Variants in CDH2 observed in about 807,000 individuals in gnomAD.
CDH2 encodes the protein cadherin-2.
In CDH2, 17 loss-of-function variants were observed where a neutral mutation model predicts 92.0. The observed-to-expected ratio is 0.18, with a 90% CI of 0.13 to 0.28. The LOEUF is 0.28. Among genes scored for constraint, CDH2 ranks in the 10% least tolerant of loss-of-function variants. The pLI is 1.00. For missense variants in CDH2, 862 were observed against 1,133.1 expected (o/e 0.76, Z 3.44); for synonymous variants, 419 against 415.9 (o/e 1.01, Z -0.09).
chr18:28,096,494 A>G (rs915033583), intron 2 of CDH2, among the ~76,000 whole-genome samples: 2 of 152,090 alleles, frequency 1.3e-5, no homozygotes, highest in Non-Finnish European at 2.9e-5. Flanking sequence ...CTGGAACGCA[A>G]TATGAAAATA....
At chr18:28,143,851 C>T (rs1317774518) in intron 2 of CDH2, among the ~76,000 whole-genome samples, 1 of 151,972 alleles carries the variant, frequency 6.6e-6, no homozygotes, top group Non-Finnish European at 1.5e-5. Flanking sequence ...TTTGCAGGGA[C>T]ATGGGTGAAG....
At chr18:28,138,175 A>G (rs978026447) in intron 2 of CDH2, among the ~76,000 whole-genome samples, 3 of 152,070 alleles carry the variant, frequency 2.0e-5, no homozygotes, top group African/African-American at 7.2e-5. Flanking sequence ...TCCTAGGGCC[A>G]TTACGTGATT....
chr18:28,125,501 CA>C (rs1235403496), intron 2 of CDH2, among the ~76,000 whole-genome samples: 7 of 152,038 alleles, frequency 4.6e-5, no homozygotes. Flanking sequence ...GAAAAAATGG[CA>C]AACCTAATCC....
intron 2 of CDH2, among the ~76,000 whole-genome samples, chr18:28,041,521 A>T (rs2013947232): frequency 6.6e-6 from 1 of 152,206 alleles, no homozygotes; most frequent in Non-Finnish European, 1.5e-5. Flanking sequence ...GTCAGCAGGC[A>T]ACTGTGTTTT....
intron 2 of CDH2, among the ~76,000 whole-genome samples, chr18:28,061,606 C>T (rs548523280): frequency 1.1e-3 from 167 of 152,294 alleles, no homozygotes; most frequent in African/African-American, 3.8e-3. Flanking sequence ...ACGACTCCGT[C>T]TCAAAAAACC....
At chr18:28,105,995 TC>T (rs1052509994) in intron 2 of CDH2, among the ~76,000 whole-genome samples, 1 of 152,228 alleles carries the variant, frequency 6.6e-6, no homozygotes, top group Non-Finnish European at 1.5e-5. Context: ...CTCTTTAATA[TC>T]CTCAAGATGT....
At chr18:27,948,327 G>GT (rs1451601434), downstream of CDH2, among the ~76,000 whole-genome samples, 12 of 151,872 alleles carry the variant, frequency 7.9e-5, no homozygotes, top group Admixed American at 7.2e-4. Context: ...GTAGTGTTTG[G>GT]AAAACAGACC....
At chr18:28,017,611 T>C (rs182238501) in intron 2 of CDH2, among the ~76,000 whole-genome samples, 1 of 152,290 alleles carries the variant, frequency 6.6e-6, no homozygotes, top group East Asian at 1.9e-4. Flanking sequence ...CAACTGCATA[T>C]AGTTGTGCTC....
At chr18:28,009,648 G>A in intron 5 of CDH2, 69 bp downstream of exon 5, 1 of 1,397,732 alleles carries the variant, frequency 7.2e-7, no homozygotes, top group Non-Finnish European at 9.9e-7. Flanking sequence ...TGATATAAGA[G>A]GCAATGGTAA....
At chr18:27,993,723 G>T in intron 7 of CDH2, 86 bp from the exon 8 acceptor site, 2 of 967,686 alleles carry the variant, frequency 2.1e-6, no homozygotes, top group South Asian at 1.5e-5. Context: ...TCTTTATAAT[G>T]CAAGGAGAGC....
chr18:28,046,148 G>A (rs2014070929), intron 2 of CDH2, among the ~76,000 whole-genome samples: 1 of 152,128 alleles, frequency 6.6e-6, no homozygotes, highest in South Asian at 2.1e-4. Flanking sequence ...GACAATTTGA[G>A]AAACAGAAAG....
At chr18:27,993,445 C>G (rs1238124147) in intron 8 of CDH2, 55 bp downstream of exon 8, 1 of 1,560,508 alleles carries the variant, frequency 6.4e-7, no homozygotes, top group Non-Finnish European at 8.7e-7. Context: ...CATGACCAAC[C>G]TTCTCAGTAA....
downstream of CDH2, among the ~76,000 whole-genome samples, chr18:27,946,130 CA>C (rs1909262318): frequency 6.6e-6 from 1 of 151,996 alleles, no homozygotes; most frequent in Non-Finnish European, 1.5e-5. Flanking sequence ...GAAATACATC[CA>C]AAAAGCTCAT....
chr18:27,961,022 A>G (rs1337803372), intron 15 of CDH2, among the ~76,000 whole-genome samples: 1 of 117,914 alleles, frequency 8.5e-6, no homozygotes, highest in Non-Finnish European at 2.1e-5. Context: ...TCATTGTTAA[A>G]AAAAGAACAA....
chr18:28,009,685 T>A, intron 5 of CDH2, 32 bp downstream of exon 5: 3 of 1,607,268 alleles, frequency 1.9e-6, no homozygotes, highest in African/African-American at 1.3e-5. Flanking sequence ...GAACTGTTAA[T>A]ACACAGAATT....
At chr18:28,024,265 ATTATC>A (rs1347733463) in intron 2 of CDH2, among the ~76,000 whole-genome samples, 2 of 152,046 alleles carry the variant, frequency 1.3e-5, no homozygotes, top group African/African-American at 4.8e-5. Flanking sequence ...ATATTGCCCA[ATTATC>A]TTAATAATTT....
chr18:27,949,958 T>C (rs1909372292), downstream of CDH2, among the ~76,000 whole-genome samples: 2 of 152,012 alleles, frequency 1.3e-5, no homozygotes, highest in Non-Finnish European at 2.9e-5. Flanking sequence ...ATCTAAATGG[T>C]GTGAGCATTA....
At chr18:28,061,789 C>T (rs145206386) in intron 2 of CDH2, among the ~76,000 whole-genome samples, 3 of 152,236 alleles carry the variant, frequency 2.0e-5, no homozygotes, top group East Asian at 1.9e-4. Context: ...TCTTACATGG[C>T]GGCAGGCAAG....
At chr18:28,090,375 A>G (rs2015014709) in intron 2 of CDH2, among the ~76,000 whole-genome samples, 1 of 152,194 alleles carries the variant, frequency 6.6e-6, no homozygotes, top group Non-Finnish European at 1.5e-5. Context: ...GGGCCTTTAA[A>G]AGGCAATAAA....
Sources: gnomAD v4.1 joint callset for allele counts (sites outside exome capture counted in the v4.1 genomes callset) on GRCh38, gnomAD v4.1.1 for gene constraint, MANE v1.5 for transcripts, NCBI Gene and HGNC (gene_info 2026-07-23, HGNC 2026-07-21) for gene names.